VAPA: variants seen among roughly 807,000 people sequenced by gnomAD.
VAPA encodes VAMP associated protein A, also known as vesicle-associated membrane protein-associated protein A.
A neutral mutation model predicts 25.6 loss-of-function variants in VAPA; 6 were observed. The observed-to-expected ratio is 0.23, with a 90% CI of 0.13 to 0.46. The LOEUF (loss-of-function observed/expected upper bound fraction) is 0.46, where lower values mean the gene tolerates loss of function less well. VAPA is among the 20% of genes least tolerant of loss of function. The pLI, the probability that VAPA is intolerant of heterozygous loss-of-function variation, is 0.99. For synonymous variants in VAPA, 112 were observed against 106.2 expected (o/e 1.05, Z -0.34); for missense variants, 244 against 302.1 (o/e 0.81, Z 1.43).
chr18:9,923,533 G>A (rs915067986), intron 1 of VAPA, among the ~76,000 whole-genome samples: 4 of 152,158 alleles, frequency 2.6e-5, no homozygotes, highest in Admixed American at 2.0e-4. Flanking sequence ...TATGTGTGAA[G>A]TGTATATGAA....
At position 9,950,690 on chromosome 18, in the gene VAPA, C is replaced by T. The variant is rs2069480917; in HGVS notation, c.591+122C>T. The T allele has an allele frequency of 3.9e-6, 4 of 1,021,556 alleles. No homozygotes were observed. The South Asian group carries it at 6.8e-5, about 17-fold the overall frequency. The allele number at this position is 1,021,556 out of a possible 1,614,324, so 63.3% of individuals were successfully genotyped here. A position where few individuals can be genotyped will look rare whatever the true frequency, so the allele number is the denominator to read the frequency against. On this transcript the variant is annotated intron_variant, in intron 5 of 5. Transcript: ENST00000400000. ...CTTGGTCAGTTCTTTCTTCTTTGCC[C>T]CAGTGCCTTTGCTCCCCACCCTACT... is the stretch of plus-strand genomic sequence containing the variant.
At chr18:9,929,092 A>G (rs1328293451) in intron 1 of VAPA, among the ~76,000 whole-genome samples, 4 of 152,202 alleles carry the variant, frequency 2.6e-5, no homozygotes, top group African/African-American at 9.6e-5. Flanking sequence ...TTGTTAGAAT[A>G]GTCTTCAGTA....
At chr18:9,937,218 C>T (rs1237073768) in intron 4 of VAPA, 152 bp downstream of exon 4, 45 of 205,414 alleles carry the variant, frequency 2.2e-4, no homozygotes, top group South Asian at 4.0e-4. Flanking sequence ...CTTGGTATGC[C>T]TTTTTTTTTT....
intron 1 of VAPA, among the ~76,000 whole-genome samples, chr18:9,925,518 A>G (rs2069193515): frequency 6.6e-6 from 1 of 152,102 alleles, no homozygotes; most frequent in Admixed American, 6.5e-5. Context: ...GTACAAAAAT[A>G]TTTATACAAA....
At position 9,958,830 on chromosome 18, in the gene VAPA, T is replaced by C. The variant is rs1210075801; in HGVS notation, c.*4619T>C. On this transcript the variant is annotated 3_prime_UTR_variant, in exon 6 of 6. Coordinates refer to ENST00000400000, the MANE Select transcript of VAPA (RefSeq NM_194434.3). ...TGGAATACCACTAAAGATTTTTGACTTGTGAATAAATGAGCTGTCATCGCA... is the reference window on the plus strand; with the variant it reads ...TGGAATACCACTAAAGATTTTTGACCTGTGAATAAATGAGCTGTCATCGCA... The C allele has an allele frequency of 3.3e-5, 5 of 152,214 alleles. No homozygotes were observed. Among genetic ancestry groups the C allele is most frequent in the Admixed American group, 6.5e-5 (1 of 15,286 alleles). 9.4% of individuals were successfully genotyped at this position (152,214 alleles called of 1,614,324 possible).
At chr18:9,950,163 C>T (rs2069473235) in intron 4 of VAPA, 1 of 423,536 alleles carries the variant, frequency 2.4e-6, no homozygotes, top group Non-Finnish European at 4.2e-6. Flanking sequence ...AGAACTTGAA[C>T]AATAATTATT....
rs993838200 is a variant in VAPA, at chr18:9,923,059, A to G, written c.79+8724A>G. Reference sequence around the variant, plus strand: ...TTTCACTTTATAAAAAGTCTAAACTAGTGTCTTCAATGCTTATAAAAGAAA... The same window carrying G: ...TTTCACTTTATAAAAAGTCTAAACTGGTGTCTTCAATGCTTATAAAAGAAA... On this transcript the variant is annotated intron_variant, in intron 1 of 5. Transcript: ENST00000400000. Among the ~76,000 whole-genome samples the G allele has an allele frequency of 8.5e-5, 13 of 152,364 alleles. 1 individual carries two copies. The highest frequency in any genetic ancestry group is 2.6e-4 in the Admixed American group (4 of 15,298).
chr18:9,938,371 C>T (rs1255342457), intron 4 of VAPA, among the ~76,000 whole-genome samples: 1 of 152,208 alleles, frequency 6.6e-6, no homozygotes, highest in African/African-American at 2.4e-5. Context: ...AAGAGTAGCT[C>T]TCACTGGTTT....
At chr18:9,922,128 C>A (rs1914792694) in intron 1 of VAPA, among the ~76,000 whole-genome samples, 1 of 151,996 alleles carries the variant, frequency 6.6e-6, no homozygotes, top group Non-Finnish European at 1.5e-5. Context: ...CTGTGCCCAG[C>A]TAATTATTAT....
intron 1 of VAPA, among the ~76,000 whole-genome samples, chr18:9,930,675 T>G (rs1021767516): frequency 6.6e-6 from 1 of 151,342 alleles, no homozygotes; most frequent in African/African-American, 2.4e-5. Context: ...AAGATCATAC[T>G]TTGTCATATG....
At chr18:9,914,575 G>T (rs1183861585) in intron 1 of VAPA, 2 of 191,648 alleles carry the variant, frequency 1.0e-5, no homozygotes, top group Non-Finnish European at 1.0e-5. Context: ...CGGCCGGGGC[G>T]AGGCGGAGGG....
intron 1 of VAPA, among the ~76,000 whole-genome samples, chr18:9,924,342 T>C (rs1452328051): frequency 6.6e-6 from 1 of 152,228 alleles, no homozygotes; most frequent in Non-Finnish European, 1.5e-5. Context: ...TAGCATGCAC[T>C]AATTTCACGT....
At position 9,959,391 on chromosome 18, in the gene VAPA, ACAAT is replaced by A. The variant is rs1483682992; in HGVS notation, c.*5182_*5185del. 6.6e-6 allele frequency: 1 copy of A among 151,968 alleles called. No homozygotes were observed. Among genetic ancestry groups the A allele is most frequent in the East Asian group, 1.9e-4 (1 of 5,204 alleles). 9.4% of individuals were successfully genotyped at this position (151,968 alleles called of 1,614,324 possible). A position where few individuals can be genotyped will look rare whatever the true frequency, so the allele number is the denominator to read the frequency against. On this transcript the variant is annotated 3_prime_UTR_variant, in exon 6 of 6. Transcript: ENST00000400000. ...AGAAGAAGTAAACTCCTGCCCACTA[ACAAT>A]CTCAGTCCGTGAACAAAACCAACAT... is the stretch of plus-strand genomic sequence containing the variant.
Position 9,956,430 on chromosome 18 carries a change from T to TAATA in VAPA, c.*2222_*2225dup, listed in dbSNP as rs550414839. ...AGGCTAGAAATGCCTCCCACATTGG[T>TAATA]AATAAACATTACAAAATACAATGTA... is the stretch of plus-strand genomic sequence containing the variant. On this transcript the variant is annotated 3_prime_UTR_variant, in exon 6 of 6. Coordinates refer to ENST00000400000, the MANE Select transcript of VAPA (RefSeq NM_194434.3). The TAATA allele has an allele frequency of 2.9e-3, 444 of 152,452 alleles. No individual in the cohort carries two copies. The highest frequency in any genetic ancestry group is 9.9e-3 in the African/African-American group (410 of 41,570). The allele number at this position is 152,452 out of a possible 1,614,324, so 9.4% of individuals were successfully genotyped here.
rs1205614800 is a variant in VAPA at position 9,950,572 on chromosome 18, A to C, written c.591+4A>C. 1 of 1,608,384 alleles carries C rather than the reference A, an allele frequency of 6.2e-7. No homozygotes were observed. Among genetic ancestry groups the C allele is most frequent in the Non-Finnish European group, 8.5e-7 (1 of 1,178,614 alleles). Reference sequence around the variant, plus strand: ...AGAAGAAAATCGGCACCTGAGAGTAAGTTCTGTTGGTTGAAAATAAATTGA... The same window carrying C: ...AGAAGAAAATCGGCACCTGAGAGTACGTTCTGTTGGTTGAAAATAAATTGA... On this transcript the variant is annotated splice_donor_region_variant and intron_variant, in intron 5 of 5. Coordinates refer to ENST00000400000, the MANE Select transcript of VAPA (RefSeq NM_194434.3).
At chr18:9,926,938 A>C (rs1029902405) in intron 1 of VAPA, among the ~76,000 whole-genome samples, 5 of 152,122 alleles carry the variant, frequency 3.3e-5, no homozygotes, top group African/African-American at 1.2e-4. Context: ...ACCTCTGAGT[A>C]ACTAGCCTAA....
chr18:9,918,622 C>T (rs1377968373), intron 1 of VAPA, among the ~76,000 whole-genome samples: 1 of 152,154 alleles, frequency 6.6e-6, no homozygotes, highest in Non-Finnish European at 1.5e-5. Context: ...TCCTCAAATG[C>T]TCATGTTTCT....
Position 9,958,575 on chromosome 18 carries a change from G to A in VAPA, c.*4364G>A, listed in dbSNP as rs1440132673. 6.6e-6 allele frequency: 1 copy of A among 151,842 alleles called. No homozygotes were observed. The highest frequency in any genetic ancestry group is 1.9e-4 in the East Asian group (1 of 5,158). 9.4% of individuals were successfully genotyped at this position (151,842 alleles called of 1,614,324 possible). A position where few individuals can be genotyped will look rare whatever the true frequency, so the allele number is the denominator to read the frequency against. ...AGAGATACTGACCTAATTGGTCTGGGGTGGAGATCTGGCATGGTAGTTTTT... is the reference window on the plus strand; with the variant it reads ...AGAGATACTGACCTAATTGGTCTGGAGTGGAGATCTGGCATGGTAGTTTTT... On this transcript the variant is annotated 3_prime_UTR_variant, in exon 6 of 6. Coordinates refer to ENST00000400000, the MANE Select transcript of VAPA (RefSeq NM_194434.3).
At chr18:9,931,426 G>C (rs1212777513) in intron 1 of VAPA, among the ~76,000 whole-genome samples, 2 of 152,164 alleles carry the variant, frequency 1.3e-5, no homozygotes, top group Admixed American at 1.3e-4. Context: ...GATTTTTGCA[G>C]TTGGCCTAGT....
Sources: gnomAD v4.1 joint callset for allele counts (sites outside exome capture counted in the v4.1 genomes callset) on GRCh38, gnomAD v4.1.1 for gene constraint, MANE v1.5 for transcripts, NCBI Gene and HGNC (gene_info 2026-07-23, HGNC 2026-07-21) for gene names.